GPRC5D: variants seen among roughly 807,000 people sequenced by gnomAD.
GPRC5D encodes the protein G protein-coupled receptor class C group 5 member D.
Under a neutral mutation model 29.3 loss-of-function variants are expected in GPRC5D, and 20 were observed. The observed-to-expected ratio is 0.68, with a 90% confidence interval of 0.48 to 0.99. GPRC5D has a LOEUF of 0.99. Among genes scored for constraint, GPRC5D ranks in the 50% least tolerant of loss-of-function variants. GPRC5D has a pLI of 0.00. For synonymous variants in GPRC5D, 178 were observed against 171.3 expected (o/e 1.04, Z -0.30); for missense variants, 384 against 423.6 (o/e 0.91, Z 0.82).
chr12:12,947,771 G>C (rs1334349257), intron 1 of GPRC5D, among the ~76,000 whole-genome samples: 1 of 152,114 alleles, frequency 6.6e-6, no homozygotes, highest in Non-Finnish European at 1.5e-5. Flanking sequence ...CGCCCAGGCT[G>C]GTCTTAAACT....
At chr12:12,949,792 T>C in exon 1 of GPRC5D, 2 of 1,614,130 alleles carry the variant, frequency 1.2e-6, no homozygotes, top group South Asian at 1.1e-5. Context: ...CTGCTTCCAG[T>C]TCTCACACGG....
At chr12:12,951,413 G>A (rs1030730050), upstream of GPRC5D, among the ~76,000 whole-genome samples, 22 of 152,194 alleles carry the variant, frequency 1.4e-4, no homozygotes, top group Admixed American at 1.0e-3. Context: ...AGTCTAAGGG[G>A]ATGGGAAATG....
intron 1 of GPRC5D, among the ~76,000 whole-genome samples, chr12:12,943,926 C>T (rs1863212479): frequency 6.6e-6 from 1 of 152,136 alleles, no homozygotes; most frequent in African/African-American, 2.4e-5. Context: ...TGAGTAAGAC[C>T]TTCCATTTAT....
intron 1 of GPRC5D, among the ~76,000 whole-genome samples, chr12:12,944,798 TTCCC>T (rs757127552): frequency 0.19 from 5,671 of 29,316 alleles, 1,192 homozygotes; most frequent in Non-Finnish European, 0.38. Context: ...CCTTCCTTCC[TTCCC>T]TTCCTTCCTT....
intron 1 of GPRC5D, among the ~76,000 whole-genome samples, chr12:12,947,993 C>T (rs958849687): frequency 2.6e-5 from 4 of 152,186 alleles, no homozygotes; most frequent in African/African-American, 9.7e-5. Flanking sequence ...TAGGAGACTC[C>T]TGGCCAAACC....
At chr12:12,943,839 A>G (rs1310703841) in intron 1 of GPRC5D, among the ~76,000 whole-genome samples, 1 of 152,218 alleles carries the variant, frequency 6.6e-6, no homozygotes, top group Non-Finnish European at 1.5e-5. Flanking sequence ...AGCTCTAGCT[A>G]TAGTTCATGA....
chr12:12,949,774 C>G (rs199600088), exon 1 of GPRC5D: 1 of 1,614,180 alleles, frequency 6.2e-7, no homozygotes, highest in Admixed American at 1.7e-5. Context: ...AAAGATGAGC[C>G]TTCCATGCTG....
Position 12,945,013 on chromosome 12 carries a change from CTCTT to C in GPRC5D, c.896-2689_896-2686del, listed in dbSNP as rs1043708603. Among the ~76,000 whole-genome samples, 9 of 146,208 alleles carry C rather than the reference CTCTT, an allele frequency of 6.2e-5. No homozygotes were observed. In the South Asian group the frequency reaches 8.8e-4, roughly 14 times the overall value. On this transcript the variant is annotated intron_variant, in intron 1 of 2. Coordinates refer to ENST00000228887, the Ensembl canonical transcript of GPRC5D. The stretch of plus-strand genomic sequence containing the variant: ...TCTTTCTCTCTCTCTTTCTCTTTCT[CTCTT>C]TCTTTCTTTCGAGTCTCGTTCTCGT...
At chr12:12,944,113 C>G (rs1863216372) in intron 1 of GPRC5D, among the ~76,000 whole-genome samples, 1 of 152,136 alleles carries the variant, frequency 6.6e-6, no homozygotes, top group Non-Finnish European at 1.5e-5. Context: ...CTCTCACTCC[C>G]TGAATTTGTT....
chr12:12,943,724 C>T (rs1045528720), intron 1 of GPRC5D, among the ~76,000 whole-genome samples: 1 of 152,158 alleles, frequency 6.6e-6, no homozygotes, highest in Non-Finnish European at 1.5e-5. Context: ...CAACTTCATT[C>T]CTTGTGTCAT....
intron 1 of GPRC5D, among the ~76,000 whole-genome samples, chr12:12,946,289 TTTCTTCCTTCCTTCCTTCC>T (rs1346856209): frequency 3.8e-5 from 3 of 78,312 alleles, no homozygotes; most frequent in Non-Finnish European, 8.1e-5. Context: ...CCTTCCTTCC[TTTCTTCCTTCCTTCCTTCC>T]TTTTCTTTCT....
chr12:12,941,912 CAT>C (rs1863158550), intron 2 of GPRC5D, among the ~76,000 whole-genome samples: 2 of 152,202 alleles, frequency 1.3e-5, no homozygotes, highest in African/African-American at 2.4e-5. Flanking sequence ...CAAACTCAGA[CAT>C]ATTTACAATC....
intron 2 of GPRC5D, 23 bp downstream of exon 3, chr12:12,942,238 T>G: frequency 6.7e-7 from 1 of 1,500,738 alleles, no homozygotes. Flanking sequence ...CCCTCCTGGG[T>G]GAATATAGGC....
chr12:12,940,803 C>T (rs1304859348), exon 3 of GPRC5D: 3 of 1,608,252 alleles, frequency 1.9e-6, no homozygotes, highest in African/African-American at 2.7e-5. Context: ...TTGCTGGGGG[C>T]TTAGTTTAGC....
chr12:12,944,108 A>G (rs1291373), intron 1 of GPRC5D, among the ~76,000 whole-genome samples: 137,284 of 152,112 alleles, frequency 0.9, 62,285 homozygotes, highest in Admixed American at 0.96. Flanking sequence ...TTATGCTCTC[A>G]CTCCCTGAAT....
chr12:12,949,700 G>T, exon 1 of GPRC5D: 1 of 1,604,968 alleles, frequency 6.2e-7, no homozygotes, highest in Non-Finnish European at 8.5e-7. Flanking sequence ...TGGAACTGCG[G>T]GTTGCCTCTC....
intron 1 of GPRC5D, among the ~76,000 whole-genome samples, chr12:12,945,175 T>C (rs141911141): frequency 6.6e-6 from 1 of 151,898 alleles, no homozygotes; most frequent in Non-Finnish European, 1.5e-5. Flanking sequence ...AGCAAATTTT[T>C]TGTATTTTTA....
At chr12:12,951,254 A>G (rs1323818600), upstream of GPRC5D, among the ~76,000 whole-genome samples, 1 of 152,230 alleles carries the variant, frequency 6.6e-6, no homozygotes, top group Non-Finnish European at 1.5e-5. Context: ...TTCTGAAATG[A>G]AGACACCTGG....
Position 12,940,857 on chromosome 12 carries a change from G to A in GPRC5D, c.964-8C>T, listed in dbSNP as rs537942523. 1.9e-6 allele frequency: 3 copies of A among 1,560,514 alleles called. No homozygotes were observed. In the South Asian group the frequency reaches 3.3e-5, roughly 17 times the overall value. Reference sequence around the variant, plus strand: ...TTGTGTGGGATCAACAGTCTGGAAAGGAAGAAATGCCATCATCAACTTTCT... The same window carrying A: ...TTGTGTGGGATCAACAGTCTGGAAAAGAAGAAATGCCATCATCAACTTTCT... On this transcript the variant is annotated splice_polypyrimidine_tract_variant and splice_region_variant and intron_variant, in intron 2 of 2. Transcript: ENST00000228887.
Sources: allele counts gnomAD v4.1 joint callset (sites outside exome capture counted in the v4.1 genomes callset), GRCh38; gene constraint gnomAD v4.1.1; transcripts MANE v1.5; gene names NCBI Gene and HGNC (gene_info 2026-07-23, HGNC 2026-07-21).